Variants in FAM163B observed in about 807,000 individuals in gnomAD.
The protein encoded by FAM163B is protein FAM163B.
FAM163B carries 4 observed loss-of-function variants against 7.6 expected under a neutral mutation model. That is an observed-to-expected ratio of 0.52 (90% confidence interval 0.26 to 1.20). The LOEUF (loss-of-function observed/expected upper bound fraction) is 1.20. FAM163B is among the 50% of genes most tolerant of loss of function. The pLI, the probability that FAM163B is intolerant of heterozygous loss-of-function variation, is 0.14. For missense variants in FAM163B, 250 were observed against 243.0 expected, an observed-to-expected ratio of 1.03 and a Z score of -0.19; for synonymous variants, 120 against 111.6, an observed-to-expected ratio of 1.07 and a Z score of -0.47.
intron 1 of FAM163B, among the ~76,000 whole-genome samples, chr9:133,602,649 C>T (rs1831744507): frequency 6.6e-6 from 1 of 152,146 alleles, no homozygotes; most frequent in East Asian, 1.9e-4. Flanking sequence ...AGGGAACTCT[C>T]ATGTGGGAAG....
chr9:133,588,506 T>C (rs1032420964), intron 1 of FAM163B, among the ~76,000 whole-genome samples: 15 of 1,738 alleles, frequency 8.6e-3, no homozygotes, highest in Non-Finnish European at 0.01. Context: ...CCCAAGGAGG[T>C]TGGATCCCAA....
At chr9:133,590,065 C>CCCTT (rs1491173513) in intron 1 of FAM163B, among the ~76,000 whole-genome samples, 315 of 16,876 alleles carry the variant, frequency 0.019, 43 homozygotes, top group African/African-American at 0.067. Context: ...CCCTTCCCTT[C>CCCTT]CCCTTCCCTT....
chr9:133,587,296 G>A (rs1376557622), intron 1 of FAM163B, among the ~76,000 whole-genome samples: 3 of 152,228 alleles, frequency 2.0e-5, no homozygotes, highest in Non-Finnish European at 4.4e-5. Context: ...GTCGAGGGGT[G>A]TTGTGGACCA....
rs1407638059 is a variant in FAM163B, at chr9:133,577,500, G to C, written c.*1522C>G. Among the ~76,000 whole-genome samples the C allele has an allele frequency of 6.6e-6, 1 of 152,248 alleles. No homozygotes were observed. Among genetic ancestry groups the C allele is most frequent in the Non-Finnish European group, 1.5e-5 (1 of 68,044 alleles). ...GTCAGCCGTTCCCCCGACGCCTCTG[G>C]AAACTGGCCATTTCGTTTTTGAGTA... is the stretch of plus-strand genomic sequence containing the variant. On this transcript the variant is annotated 3_prime_UTR_variant, in exon 3 of 3. Coordinates refer to ENST00000673969, the MANE Select transcript of FAM163B (RefSeq NM_001080515.3).
chr9:133,603,858 G>A (rs1028764430), intron 1 of FAM163B, among the ~76,000 whole-genome samples: 2 of 152,048 alleles, frequency 1.3e-5, no homozygotes, highest in Non-Finnish European at 2.9e-5. Flanking sequence ...TTTGGGGGAG[G>A]GGGCAGAGTC....
chr9:133,582,755 G>C (rs1831375213), intron 1 of FAM163B, among the ~76,000 whole-genome samples: 1 of 152,244 alleles, frequency 6.6e-6, no homozygotes, highest in East Asian at 1.9e-4. Context: ...TCTCTCCTGG[G>C]AAATGGAATT....
intron 1 of FAM163B, among the ~76,000 whole-genome samples, chr9:133,592,041 C>T (rs1459569890): frequency 6.6e-6 from 1 of 152,108 alleles, no homozygotes; most frequent in African/African-American, 2.4e-5. Flanking sequence ...GCCCACCCTG[C>T]TTGTTTTCAT....
intron 1 of FAM163B, among the ~76,000 whole-genome samples, chr9:133,603,579 C>T (rs75596189): frequency 0.084 from 12,809 of 152,294 alleles, 608 homozygotes; most frequent in Non-Finnish European, 0.11. Context: ...GCATCTTTAG[C>T]GGGGCCACTG....
In FAM163B at chr9:133,579,313, C is replaced by T. The variant is rs1005060439; in HGVS notation, c.210G>A (p.Pro70=). 13 of 1,613,460 alleles carry T rather than the reference C, an allele frequency of 8.1e-6. No individual in the cohort carries two copies. The African/African-American group carries it at 9.3e-5, about 12-fold the overall frequency. ...SNRNLVLTNG[P]ALYPTASTSF... is the part of the protein sequence containing the mutation. Reference sequence around the variant, plus strand: ...AGGTGGAGGCGGTGGGGTAGAGCGCCGGCCCGTTGGTCAGCACCAGGTTGC... The same window carrying T: ...AGGTGGAGGCGGTGGGGTAGAGCGCTGGCCCGTTGGTCAGCACCAGGTTGC... The change falls in exon 3 of 3, where the codon CCG becomes CCA. Residue 70 remains proline (P), a synonymous_variant. Coordinates refer to ENST00000673969, the MANE Select transcript of FAM163B (RefSeq NM_001080515.3).
chr9:133,600,150 A>G lies in FAM163B; in HGVS notation c.-24+8927T>C, dbSNP rs1564197291. Among the ~76,000 whole-genome samples, 2 of 137,092 alleles carry G rather than the reference A, an allele frequency of 1.5e-5. No homozygotes were observed. Among genetic ancestry groups the G allele is most frequent in the South Asian group, 4.9e-4 (2 of 4,070 alleles). 89.9% of individuals were successfully genotyped at this position (137,092 alleles called of 152,430 possible). A position where few individuals can be genotyped will look rare whatever the true frequency, so the allele number is the denominator to read the frequency against. ...TGTGTCTGTGTGCGTGTGTGAATGT[A>G]TGTGTGCATGAGTGTGAGTCTGTGT... On this transcript the variant is annotated intron_variant, in intron 1 of 2. Coordinates refer to ENST00000673969, the MANE Select transcript of FAM163B (RefSeq NM_001080515.3). This position sits in a 1 kb window ranked among gnomAD's most constrained non-coding sequence, Gnocchi z 4.9.
At chr9:133,605,121 G>T (rs1831774121) in intron 1 of FAM163B, among the ~76,000 whole-genome samples, 1 of 152,248 alleles carries the variant, frequency 6.6e-6, no homozygotes, top group Non-Finnish European at 1.5e-5. Context: ...GCAGAGCCAG[G>T]AAGTGAGCAC....
chr9:133,579,963 C>A (rs1162978738), intron 2 of FAM163B, among the ~76,000 whole-genome samples, 168 bp downstream of exon 2: 2 of 152,344 alleles, frequency 1.3e-5, no homozygotes, highest in Non-Finnish European at 2.9e-5. Flanking sequence ...TCTTACTGAG[C>A]CCCATGGTAG....
At chr9:133,603,991 C>T (rs1308478646) in intron 1 of FAM163B, among the ~76,000 whole-genome samples, 1 of 152,166 alleles carries the variant, frequency 6.6e-6, no homozygotes, top group Non-Finnish European at 1.5e-5. Context: ...AGGCGCATGC[C>T]ACCACGCCCG....
rs958655335 is a variant in FAM163B, at chr9:133,609,267, C to G, written c.-214G>C. ...GCCCGGGAGGCCCCCGGGGAGGCGA[C>G]TGCGTGCCCAGGCGGGCACCCCTGC... On this transcript the variant is annotated 5_prime_UTR_variant, in exon 1 of 3. Transcript: ENST00000673969. Among the ~76,000 whole-genome samples the G allele has an allele frequency of 6.6e-6, 1 of 150,582 alleles. No homozygotes were observed. The highest frequency in any genetic ancestry group is 2.1e-4 in the South Asian group (1 of 4,828).
intron 1 of FAM163B, among the ~76,000 whole-genome samples, chr9:133,585,672 G>A (rs1831425134): frequency 6.6e-6 from 1 of 152,250 alleles, no homozygotes; most frequent in African/African-American, 2.4e-5. Context: ...AGGACGGGGA[G>A]CCTGGTAAAC....
At chr9:133,603,054 G>C (rs1831748977) in intron 1 of FAM163B, among the ~76,000 whole-genome samples, 1 of 152,210 alleles carries the variant, frequency 6.6e-6, no homozygotes, top group African/African-American at 2.4e-5. Flanking sequence ...AGGGCACCTG[G>C]GGTGGGCAGG....
intron 1 of FAM163B, among the ~76,000 whole-genome samples, chr9:133,594,384 C>A (rs1227581425): frequency 6.6e-6 from 1 of 152,194 alleles, no homozygotes; most frequent in Non-Finnish European, 1.5e-5. Flanking sequence ...CTCCCAGCCA[C>A]CAACTTTGCA....
rs1237993547 is a variant in FAM163B at position 133,606,682 on chromosome 9, C to G, written c.-24+2395G>C. ...TTACCAACACACAGATCAGGACTTG[C>G]TACTCTGAAGAGGGAAGTGGCGGTA... is the stretch of plus-strand genomic sequence containing the variant. On this transcript the variant is annotated intron_variant, in intron 1 of 2. Coordinates refer to ENST00000673969, the MANE Select transcript of FAM163B (RefSeq NM_001080515.3). This position sits in a 1 kb window ranked among gnomAD's most constrained non-coding sequence, Gnocchi z 4.0. Among the ~76,000 whole-genome samples the G allele has an allele frequency of 6.6e-6, 1 of 152,176 alleles. No individual in the cohort carries two copies. The highest frequency in any genetic ancestry group is 2.4e-5 in the African/African-American group (1 of 41,454).
rs1179682355 is a variant in FAM163B at position 133,577,515 on chromosome 9, G to A, written c.*1507C>T. On this transcript the variant is annotated 3_prime_UTR_variant, in exon 3 of 3. Coordinates refer to ENST00000673969, the MANE Select transcript of FAM163B (RefSeq NM_001080515.3). ...GACGCCTCTGGAAACTGGCCATTTC[G>A]TTTTTGAGTAAGGGCAAGAAGTGTC... 6.6e-6 allele frequency among the ~76,000 whole-genome samples: 1 copy of A among 152,250 alleles called. No individual in the cohort carries two copies. The highest frequency in any genetic ancestry group is 2.4e-5 in the African/African-American group (1 of 41,468).
Sources: allele counts gnomAD v4.1 joint callset (sites outside exome capture counted in the v4.1 genomes callset), GRCh38; gene constraint gnomAD v4.1.1; non-coding constraint Gnocchi (gnomAD v3.1); transcripts MANE v1.5; gene names NCBI Gene and HGNC (gene_info 2026-07-23, HGNC 2026-07-21).